JAKMIP3: variants seen among roughly 807,000 people sequenced by gnomAD.
JAKMIP3 encodes Janus kinase and microtubule interacting protein 3, also known as janus kinase and microtubule-interacting protein 3.
JAKMIP3 carries 58 observed loss-of-function variants against 118.5 expected under a neutral mutation model. That is an observed-to-expected ratio of 0.49 (90% CI 0.40 to 0.61). The LOEUF (loss-of-function observed/expected upper bound fraction) is 0.61, where lower values mean the gene tolerates loss of function less well. Among genes scored for constraint, JAKMIP3 ranks in the 20% least tolerant of loss-of-function variants. The pLI, the probability that JAKMIP3 is intolerant of heterozygous loss-of-function variation, is 0.00. For synonymous variants in JAKMIP3, 486 were observed against 451.2 expected, an observed-to-expected ratio of 1.08 and a Z score of -0.98; for missense variants, 950 against 1,109.0, an observed-to-expected ratio of 0.86 and a Z score of 2.04.
intron 3 of JAKMIP3, among the ~76,000 whole-genome samples, chr10:132,125,442 G>T (rs761252886): frequency 3.3e-5 from 5 of 152,256 alleles, no homozygotes; most frequent in Non-Finnish European, 7.3e-5. Flanking sequence ...TCCGCCTTGC[G>T]GCGTTAGTAC....
At chr10:132,130,261 C>T (rs1229536265) in intron 3 of JAKMIP3, among the ~76,000 whole-genome samples, 1 of 152,234 alleles carries the variant, frequency 6.6e-6, no homozygotes, top group African/African-American at 2.4e-5. Flanking sequence ...CCCATCTCCC[C>T]CACCCATTCT....
chr10:132,098,012 T>TTCC (rs1253615687), intron 1 of JAKMIP3, among the ~76,000 whole-genome samples: 20 of 125,600 alleles, frequency 1.6e-4, no homozygotes, highest in Non-Finnish European at 1.3e-4. Flanking sequence ...CCCTCCTTCC[T>TTCC]TTTTTTTTTC....
At position 132,180,588 on chromosome 10, in the gene JAKMIP3, TGTGTGTGTGCGTGCGC is replaced by T. The variant is rs2060820252; in HGVS notation, c.*1104-1759_*1104-1744del. 1.1e-4 allele frequency among the ~76,000 whole-genome samples: 3 copies of T among 28,026 alleles called. 1 individual carries two copies. Among genetic ancestry groups the T allele is most frequent in the African/African-American group, 4.8e-4 (2 of 4,172 alleles). 18.4% of individuals were successfully genotyped at this position (28,026 alleles called of 152,430 possible). ...GTGTGCGTGTGTGTGTGCGTGCGCGTGTGTGTGTGCGTGCGCGTGTGTGTGTGCGTGTGTGTGCGTG... is the reference window on the plus strand; with the variant it reads ...GTGTGCGTGTGTGTGTGCGTGCGCGTGTGTGTGTGTGCGTGTGTGTGCGTG... On this transcript the variant is annotated intron_variant, in intron 23 of 23. Transcript: ENST00000684848.
intron 2 of JAKMIP3, among the ~76,000 whole-genome samples, chr10:132,108,935 GTATA>G (rs1260082841): frequency 6.7e-6 from 1 of 148,640 alleles, no homozygotes; most frequent in African/African-American, 2.5e-5. Flanking sequence ...ATACGCAAAT[GTATA>G]TATAAATTAT....
rs1311150909 is a variant in JAKMIP3, at chr10:132,049,671, G to A, written c.-138+12933G>A. ...TGTGTTTTTTCTTTTTTAAAAGTGG[G>A]GGAGGTCTCACTATGCTGCCCAGGC... On this transcript the variant is annotated intron_variant, in intron 1 of 23. Transcript: ENST00000657785. The surrounding 1 kb of genome is among the most constrained non-coding windows in gnomAD (Gnocchi z 4.3). Among the ~76,000 whole-genome samples the A allele has an allele frequency of 6.6e-6, 1 of 151,902 alleles. No individual in the cohort carries two copies. Among genetic ancestry groups the A allele is most frequent in the Non-Finnish European group, 1.5e-5 (1 of 67,982 alleles).
intron 19 of JAKMIP3, among the ~76,000 whole-genome samples, chr10:132,159,341 G>A (rs2057556286): frequency 8.2e-6 from 1 of 122,402 alleles, no homozygotes; most frequent in African/African-American, 3.1e-5. Context: ...CCTGTGTGAT[G>A]CTGAGGGGGC....
In JAKMIP3 at chr10:132,044,395, CCAA is replaced by C. The variant is rs2037848603; in HGVS notation, c.-138+7659_-138+7661del. On this transcript the variant is annotated intron_variant, in intron 1 of 23. Coordinates refer to the JAKMIP3 transcript ENST00000657785. This position sits in a 1 kb window ranked among gnomAD's most constrained non-coding sequence, Gnocchi z 5.3. ...GTCATCTTAGCAGTGACCACTGCCA[CCAA>C]CGAGTTGTCACAATTCTGCAAGAGC... 6.6e-6 allele frequency among the ~76,000 whole-genome samples: 1 copy of C among 152,208 alleles called. No homozygotes were observed. The highest frequency in any genetic ancestry group is 2.4e-5 in the African/African-American group (1 of 41,452).
At chr10:132,155,063 A>G (rs796521162) in intron 19 of JAKMIP3, among the ~76,000 whole-genome samples, 1 of 3,280 alleles carries the variant, frequency 3.0e-4, no homozygotes, top group South Asian at 7.2e-3. Flanking sequence ...TGGTGGTAGT[A>G]GTGGTAATGG....
intron 1 of JAKMIP3, among the ~76,000 whole-genome samples, chr10:132,055,529 A>G (rs1180084586): frequency 6.6e-6 from 1 of 152,228 alleles, no homozygotes; most frequent in Non-Finnish European, 1.5e-5. Flanking sequence ...GCAGGCCATG[A>G]TGAAATGGGA....
chr10:132,168,164 G>A lies in JAKMIP3; in HGVS notation c.*234G>A, dbSNP rs2059141711. 1.6e-6 allele frequency: 2 copies of A among 1,286,136 alleles called. No homozygotes were observed. Among genetic ancestry groups the A allele is most frequent in the Non-Finnish European group, 1.0e-6 (1 of 986,816 alleles). 79.7% of individuals were successfully genotyped at this position (1,286,136 alleles called of 1,614,324 possible). On this transcript the variant is annotated 3_prime_UTR_variant, in exon 23 of 24. Transcript: ENST00000684848. The stretch of plus-strand genomic sequence containing the variant: ...GAACTGGCTCTGCCGACTTCTCGGG[G>A]GCTTCTCCGGGACGGGCCTGGCCTT...
intron 1 of JAKMIP3, among the ~76,000 whole-genome samples, chr10:132,090,223 A>C (rs1219616068): frequency 2.0e-5 from 3 of 152,252 alleles, no homozygotes; most frequent in Non-Finnish European, 2.9e-5. Context: ...TGCTGGCCTC[A>C]TAAAATGAGT....
intron 23 of JAKMIP3, among the ~76,000 whole-genome samples, chr10:132,171,872 T>C (rs2059529665): frequency 6.6e-6 from 1 of 152,104 alleles, no homozygotes; most frequent in Non-Finnish European, 1.5e-5. Flanking sequence ...GCCAGGATGG[T>C]CTCAAACTCC....
rs962917814 is a variant in JAKMIP3, at chr10:132,135,870, G to A, written c.970-60G>A. On this transcript the variant is annotated intron_variant, in intron 5 of 23. Coordinates refer to ENST00000684848, the MANE Select transcript of JAKMIP3 (RefSeq NM_001323087.2). ...GCTGTGGTCAGTCAGCCGACTCTGC[G>A]TGGAGACCTGCTGGTTCTCCGTCAC... The A allele has an allele frequency of 3.2e-5, 49 of 1,551,256 alleles. No homozygotes were observed. In the African/African-American group the frequency reaches 4.1e-4, roughly 13 times the overall value.
intron 13 of JAKMIP3, among the ~76,000 whole-genome samples, chr10:132,146,092 G>A (rs1269690308): frequency 6.6e-6 from 1 of 152,130 alleles, no homozygotes; most frequent in Non-Finnish European, 1.5e-5. Context: ...AGGCTCTCTT[G>A]GTCCCAGATG....
intron 1 of JAKMIP3, among the ~76,000 whole-genome samples, chr10:132,098,579 C>T (rs2044342275): frequency 1.3e-5 from 2 of 152,196 alleles, no homozygotes; most frequent in Admixed American, 1.3e-4. Context: ...TCGCAGTGGC[C>T]ACTGCAGATC....
At position 132,057,521 on chromosome 10, in the gene JAKMIP3, T is replaced by A. The variant is rs142442949; in HGVS notation, c.-138+20783T>A. 1.1e-3 allele frequency among the ~76,000 whole-genome samples: 167 copies of A among 152,262 alleles called. 2 individuals are homozygous for A. In the East Asian group the frequency reaches 0.027, roughly 25 times the overall value. ...CACAGGACACACGCTGCCCCGCCGG[T>A]TAGTGTCAGAACTGCATGAGATGCA... On this transcript the variant is annotated intron_variant, in intron 1 of 23. Coordinates refer to the JAKMIP3 transcript ENST00000657785.
At chr10:132,069,821 C>T (rs1009500855) in intron 1 of JAKMIP3, among the ~76,000 whole-genome samples, 6 of 152,208 alleles carry the variant, frequency 3.9e-5, no homozygotes, top group African/African-American at 1.2e-4. Context: ...GTGGGGGCTT[C>T]CTGAGCCCGC....
intron 23 of JAKMIP3, among the ~76,000 whole-genome samples, chr10:132,180,646 C>CGCGT (rs1554963054): frequency 0.011 from 93 of 8,308 alleles, 6 homozygotes; most frequent in East Asian, 0.11. Context: ...TGCGTGTGTG[C>CGCGT]GTGTGCGTGT....
chr10:132,055,614 T>G (rs2038216716), intron 1 of JAKMIP3, among the ~76,000 whole-genome samples: 1 of 152,210 alleles, frequency 6.6e-6, no homozygotes, highest in African/African-American at 2.4e-5. Context: ...AAGCAGGGTT[T>G]GAGCCATATC....
Sources: gnomAD v4.1 joint callset for allele counts (sites outside exome capture counted in the v4.1 genomes callset) on GRCh38, gnomAD v4.1.1 for gene constraint, Gnocchi (gnomAD v3.1) non-coding constraint, MANE v1.5 for transcripts, NCBI Gene and HGNC (gene_info 2026-07-23, HGNC 2026-07-21) for gene names.